The following MCF2L2 variants were observed in gnomAD, a reference collection of about 807,000 sequenced individuals.
The protein encoded by MCF2L2 is probable guanine nucleotide exchange factor MCF2L2.
MCF2L2 carries 102 observed loss-of-function variants against 150.2 expected under a neutral mutation model. The ratio of observed to expected loss-of-function variants is 0.68; its 90% CI spans 0.58 to 0.80. The LOEUF (loss-of-function observed/expected upper bound fraction) is 0.80. MCF2L2 is among the 30% of genes least tolerant of loss of function. MCF2L2 has a pLI of 0.00. For missense variants in MCF2L2, 1,256 were observed against 1,372.8 expected (o/e 0.91, Z 1.34); for synonymous variants, 465 against 491.3 (o/e 0.95, Z 0.71).
At chr3:183,255,302 A>G (rs1022975952) in intron 15 of MCF2L2, among the ~76,000 whole-genome samples, 1 of 152,244 alleles carries the variant, frequency 6.6e-6, no homozygotes, top group Non-Finnish European at 1.5e-5. Context: ...AGCAGACGTT[A>G]TAACTTTCTC....
intron 2 of MCF2L2, among the ~76,000 whole-genome samples, chr3:183,383,758 C>T (rs1713670922): frequency 6.6e-6 from 1 of 152,078 alleles, no homozygotes; most frequent in Admixed American, 6.5e-5. Flanking sequence ...CTTTACAGTT[C>T]CTTATATTTT....
chr3:183,365,117 G>C (rs1255823543), intron 3 of MCF2L2, among the ~76,000 whole-genome samples: 1 of 152,072 alleles, frequency 6.6e-6, no homozygotes, highest in Non-Finnish European at 1.5e-5. Context: ...AGCAACAAGA[G>C]ATCAAAAACT....
intron 25 of MCF2L2, among the ~76,000 whole-genome samples, chr3:183,204,284 T>A (rs1037049797): frequency 1.3e-4 from 20 of 152,266 alleles, no homozygotes; most frequent in Admixed American, 4.6e-4. Context: ...CTCTTACAAT[T>A]CAACCATAAA....
intron 5 of MCF2L2, among the ~76,000 whole-genome samples, chr3:183,338,004 TTTTAC>T (rs1187613241): frequency 6.6e-6 from 1 of 152,162 alleles, no homozygotes; most frequent in Non-Finnish European, 1.5e-5. Flanking sequence ...AATGTTGACT[TTTTAC>T]TTTAGTTTCC....
chr3:183,266,243 C>T (rs1309340154), intron 15 of MCF2L2: 1 of 152,232 alleles, frequency 6.6e-6, no homozygotes, highest in Non-Finnish European at 1.5e-5. Context: ...GAAGCTCAGA[C>T]TTGCAAACAA....
At chr3:183,287,686 G>A (rs1025749224) in intron 14 of MCF2L2, 1 of 152,152 alleles carries the variant, frequency 6.6e-6, no homozygotes, top group Admixed American at 6.5e-5. Flanking sequence ...CAACCAGGAG[G>A]GATTTATGGA....
At chr3:183,232,174 G>C (rs1349394411) in intron 15 of MCF2L2, among the ~76,000 whole-genome samples, 1 of 152,192 alleles carries the variant, frequency 6.6e-6, no homozygotes, top group Non-Finnish European at 1.5e-5. Flanking sequence ...AGATGGAATG[G>C]AATGTGGGCA....
intron 1 of MCF2L2, among the ~76,000 whole-genome samples, chr3:183,411,726 A>C (rs1253698573): frequency 6.6e-6 from 1 of 151,858 alleles, no homozygotes; most frequent in East Asian, 1.9e-4. Flanking sequence ...AGCTACCCAG[A>C]CTCCCTGACA....
chr3:183,396,374 A>G (rs1264068402), intron 1 of MCF2L2, among the ~76,000 whole-genome samples: 2 of 152,224 alleles, frequency 1.3e-5, no homozygotes, highest in Non-Finnish European at 2.9e-5. Context: ...TTCCTCTCAC[A>G]TAGCATGATG....
In MCF2L2 at chr3:183,230,895, C is replaced by T. The variant is rs561903920; in HGVS notation, c.1929+56G>A. On this transcript the variant is annotated intron_variant, in intron 16 of 29. Coordinates refer to ENST00000328913, the MANE Select transcript of MCF2L2 (RefSeq NM_015078.4). ...AACTATTTTGAGTCTCTTTGTACAACAAAACATCTGCAGTTTGAATATATG... is the reference window on the plus strand; with the variant it reads ...AACTATTTTGAGTCTCTTTGTACAATAAAACATCTGCAGTTTGAATATATG... 9.4e-6 allele frequency: 13 copies of T among 1,375,898 alleles called. No individual in the cohort carries two copies. The South Asian group carries it at 1.1e-4, about 11-fold the overall frequency. The allele number at this position is 1,375,898 out of a possible 1,614,324, so 85.2% of individuals were successfully genotyped here. A position where few individuals can be genotyped will look rare whatever the true frequency, so the allele number is the denominator to read the frequency against.
At chr3:183,188,628 C>T (rs1560331619) in intron 27 of MCF2L2, among the ~76,000 whole-genome samples, 1 of 152,184 alleles carries the variant, frequency 6.6e-6, no homozygotes. Flanking sequence ...CCTGTGATCA[C>T]GTCTATGGCT....
intron 15 of MCF2L2, among the ~76,000 whole-genome samples, chr3:183,234,316 A>T (rs1723705143): frequency 6.6e-6 from 1 of 152,240 alleles, no homozygotes; most frequent in Non-Finnish European, 1.5e-5. Context: ...GGTGGACAGA[A>T]GTCAAGGTTA....
chr3:183,409,721 A>G (rs149962000), intron 1 of MCF2L2, among the ~76,000 whole-genome samples: 1,641 of 151,844 alleles, frequency 0.011, 10 homozygotes, highest in Middle Eastern at 0.024. Flanking sequence ...TGCCTGGATA[A>G]TTTTTGTATT....
intron 11 of MCF2L2, chr3:183,299,370 G>A (rs115235908): frequency 9.8e-5 from 15 of 152,392 alleles, no homozygotes; most frequent in African/African-American, 3.6e-4. Context: ...TATCGACGCT[G>A]AGTCTTCAGG....
intron 1 of MCF2L2, among the ~76,000 whole-genome samples, chr3:183,410,880 A>G (rs1715286234): frequency 6.6e-6 from 1 of 152,216 alleles, no homozygotes; most frequent in South Asian, 2.1e-4. Context: ...AGAGAAAAGC[A>G]GAAGAATGGT....
Position 183,295,306 on chromosome 3 carries a change from T to C in MCF2L2, c.1669A>G (p.Thr557Ala), listed in dbSNP as rs1298119612. ...WVSSKTSQPS[T>A]SVPLARPLRT... ...TTTTCCTCAAATAACCTACCCGAGG[T>C]GGAGGGCTGGCTGGTTTTTGATGAC... The change falls in exon 13 of 30, where the codon ACC becomes GCC. Residue 557 changes from threonine to alanine, a missense_variant. Physicochemically the swap from Thr to Ala is moderately conservative, Grantham distance 58. Coordinates refer to ENST00000328913, the MANE Select transcript of MCF2L2 (RefSeq NM_015078.4). The C allele has an allele frequency of 5.0e-6, 8 of 1,605,042 alleles. No individual in the cohort carries two copies. Among genetic ancestry groups the C allele is most frequent in the Non-Finnish European group, 6.8e-6 (8 of 1,175,906 alleles).
At chr3:183,229,401 TAAAC>T (rs146232648) in intron 17 of MCF2L2, among the ~76,000 whole-genome samples, 1 of 152,258 alleles carries the variant, frequency 6.6e-6, no homozygotes, top group African/African-American at 2.4e-5. Flanking sequence ...CATGAATAAA[TAAAC>T]AAAGGAACAC....
chr3:183,357,634 GC>G (rs1711866568), intron 3 of MCF2L2, among the ~76,000 whole-genome samples: 1 of 152,072 alleles, frequency 6.6e-6, no homozygotes, highest in African/African-American at 2.4e-5. Context: ...AGACTGTCCG[GC>G]CCTGTTCAGC....
chr3:183,422,653 T>C (rs917530324), intron 1 of MCF2L2, among the ~76,000 whole-genome samples: 1 of 152,098 alleles, frequency 6.6e-6, no homozygotes, highest in Non-Finnish European at 1.5e-5. Flanking sequence ...AGGGACTATA[T>C]CCCTTGACTA....
Sources: allele counts gnomAD v4.1 joint callset (sites outside exome capture counted in the v4.1 genomes callset), GRCh38; gene constraint gnomAD v4.1.1; transcripts MANE v1.5; gene names NCBI Gene and HGNC (gene_info 2026-07-23, HGNC 2026-07-21).